Variants in PRKAR1B observed in about 807,000 individuals in gnomAD.
PRKAR1B encodes the protein cAMP-dependent protein kinase type I-beta regulatory subunit.
Under a neutral mutation model 46.5 loss-of-function variants are expected in PRKAR1B, and 22 were observed. The observed-to-expected ratio is 0.47, with a 90% CI of 0.34 to 0.68. The LOEUF is 0.68. Among genes scored for constraint, PRKAR1B ranks in the 30% least tolerant of loss-of-function variants. The probability of loss-of-function intolerance (pLI) is 0.01; values close to 1 mark genes in which losing one functional copy is unlikely to be tolerated. For synonymous variants in PRKAR1B, 259 were observed against 217.7 expected, an observed-to-expected ratio of 1.19 and a Z score of -1.67; for missense variants, 445 against 535.6, an observed-to-expected ratio of 0.83 and a Z score of 1.67.
At chr7:598,158 G>T (rs887284994) in intron 6 of PRKAR1B, among the ~76,000 whole-genome samples, 5 of 151,342 alleles carry the variant, frequency 3.3e-5, no homozygotes, top group Non-Finnish European at 5.9e-5. Flanking sequence ...TCACCCTCCA[G>T]CACCCTCCAG....
chr7:693,869 G>A (rs1479406346), intron 2 of PRKAR1B, among the ~76,000 whole-genome samples: 1 of 152,276 alleles, frequency 6.6e-6, no homozygotes, highest in Non-Finnish European at 1.5e-5. Flanking sequence ...CGACAGCAGC[G>A]CACAAGGGTT....
At chr7:656,227 T>C (rs1029332114) in intron 4 of PRKAR1B, among the ~76,000 whole-genome samples, 1 of 152,046 alleles carries the variant, frequency 6.6e-6, no homozygotes, top group African/African-American at 2.4e-5. Flanking sequence ...AATGAGTGAC[T>C]GAATGGATGG....
chr7:580,422 A>C (rs1254513885), intron 8 of PRKAR1B, among the ~76,000 whole-genome samples: 2 of 152,004 alleles, frequency 1.3e-5, no homozygotes, highest in Admixed American at 1.3e-4. Flanking sequence ...ATAATACATG[A>C]ATAACAAAAT....
At chr7:577,553 C>A (rs775781174) in intron 9 of PRKAR1B, among the ~76,000 whole-genome samples, 6 of 152,032 alleles carry the variant, frequency 3.9e-5, no homozygotes, top group Non-Finnish European at 7.4e-5. Flanking sequence ...GGACAGGTCA[C>A]TCATTCCTGC....
chr7:582,318 G>A (rs974529850), intron 8 of PRKAR1B, among the ~76,000 whole-genome samples: 3 of 152,278 alleles, frequency 2.0e-5, no homozygotes, highest in Non-Finnish European at 2.9e-5. Context: ...CACAAAAGCC[G>A]TTCCCAGGTT....
At chr7:633,566 C>G (rs1408978389) in intron 4 of PRKAR1B, among the ~76,000 whole-genome samples, 1 of 152,058 alleles carries the variant, frequency 6.6e-6, no homozygotes, top group Non-Finnish European at 1.5e-5. Context: ...GAGTTCAAGA[C>G]CAGCCGGGGC....
intron 4 of PRKAR1B, among the ~76,000 whole-genome samples, chr7:630,554 T>G (rs1339493200): frequency 6.6e-6 from 1 of 152,190 alleles, no homozygotes; most frequent in Non-Finnish European, 1.5e-5. Context: ...TATTATTGTT[T>G]TAATTTGGTC....
At chr7:631,364 A>G (rs1169920804) in intron 4 of PRKAR1B, among the ~76,000 whole-genome samples, 1 of 152,182 alleles carries the variant, frequency 6.6e-6, no homozygotes, top group Non-Finnish European at 1.5e-5. Context: ...CCTTACAGAT[A>G]CGGCACCCTC....
chr7:626,977 C>T (rs566009856), intron 4 of PRKAR1B, among the ~76,000 whole-genome samples: 155 of 152,272 alleles, frequency 1.0e-3, no homozygotes, highest in African/African-American at 3.5e-3. Context: ...CGGGTTCAAG[C>T]GATTCTCTTG....
chr7:704,310 G>C (rs766391830), intron 2 of PRKAR1B, among the ~76,000 whole-genome samples: 49 of 152,056 alleles, frequency 3.2e-4, no homozygotes, highest in Admixed American at 6.5e-4. Context: ...TAGCCAGACT[G>C]ATCAAGCAAA....
chr7:636,555 C>T (rs1346638854), intron 4 of PRKAR1B, among the ~76,000 whole-genome samples: 1 of 152,206 alleles, frequency 6.6e-6, no homozygotes, highest in Non-Finnish European at 1.5e-5. Context: ...CCTGGGGCCC[C>T]TCCTGCCCCA....
rs1385934891 is a variant in PRKAR1B, at chr7:550,085, T to C, written c.*345A>G. ...CCCCAGGGGCAACGTCCTGGCCTGG[T>C]TCTGGGGAGGACCGATCCTCAAGCA... is the stretch of plus-strand genomic sequence containing the variant. On this transcript the variant is annotated 3_prime_UTR_variant, in exon 11 of 11. Transcript: ENST00000537384. The C allele has an allele frequency of 3.4e-6, 1 of 296,952 alleles. No individual in the cohort carries two copies. Among genetic ancestry groups the C allele is most frequent in the African/African-American group, 2.2e-5 (1 of 44,522 alleles). The allele number at this position is 296,952 out of a possible 1,614,324, so 18.4% of individuals were successfully genotyped here.
intron 4 of PRKAR1B, among the ~76,000 whole-genome samples, chr7:634,840 A>AATG (rs1783957191): frequency 6.6e-6 from 1 of 151,784 alleles, no homozygotes; most frequent in African/African-American, 2.4e-5. Context: ...GGGTTTCACC[A>AATG]CGTTGGCCAG....
At chr7:628,480 C>T (rs1354281085) in intron 4 of PRKAR1B, among the ~76,000 whole-genome samples, 1 of 152,254 alleles carries the variant, frequency 6.6e-6, no homozygotes, top group East Asian at 1.9e-4. Context: ...AAGAAAAGAG[C>T]CCCAGCTGTC....
At chr7:649,350 C>T (rs551863297) in intron 4 of PRKAR1B, among the ~76,000 whole-genome samples, 4 of 152,062 alleles carry the variant, frequency 2.6e-5, no homozygotes, top group Non-Finnish European at 4.4e-5. Context: ...GTAAAAGACG[C>T]GTTGAATGTT....
At chr7:647,143 T>C (rs929846061) in intron 4 of PRKAR1B, among the ~76,000 whole-genome samples, 16 of 152,162 alleles carry the variant, frequency 1.1e-4, no homozygotes, top group Non-Finnish European at 2.9e-5. Context: ...CCCAAACTCT[T>C]GTGGCCAAAA....
intron 1 of PRKAR1B, among the ~76,000 whole-genome samples, chr7:720,723 T>C (rs1377318675): frequency 1.3e-5 from 2 of 152,260 alleles, no homozygotes; most frequent in Admixed American, 6.5e-5. Flanking sequence ...TTTATCATTA[T>C]GTAATGTCCC....
At chr7:721,692 T>C (rs1316453756) in intron 1 of PRKAR1B, among the ~76,000 whole-genome samples, 2 of 152,202 alleles carry the variant, frequency 1.3e-5, no homozygotes, top group African/African-American at 2.4e-5. Flanking sequence ...GTATCCTTTA[T>C]GCATTCCTTA....
intron 9 of PRKAR1B, among the ~76,000 whole-genome samples, chr7:568,312 G>A (rs28693038): frequency 0.2 from 30,268 of 152,158 alleles, 3,293 homozygotes; most frequent in Non-Finnish European, 0.24. Context: ...CCCCTCAGGA[G>A]CCTTTTCACC....
Sources: gnomAD v4.1 joint callset for allele counts (sites outside exome capture counted in the v4.1 genomes callset) on GRCh38, gnomAD v4.1.1 for gene constraint, MANE v1.5 for transcripts, NCBI Gene and HGNC (gene_info 2026-07-23, HGNC 2026-07-21) for gene names.